ATL1: variants seen among roughly 807,000 people sequenced by gnomAD.
ATL1 encodes the protein atlastin GTPase 1.
In ATL1, 31 loss-of-function variants were observed where a neutral mutation model predicts 75.5. The ratio of observed to expected loss-of-function variants is 0.41; its 90% CI spans 0.31 to 0.55. The LOEUF is 0.55. Among genes scored for constraint, ATL1 ranks in the 20% least tolerant of loss-of-function variants. The pLI is 0.27. For synonymous variants in ATL1, 226 were observed against 233.3 expected (o/e 0.97, Z 0.28); for missense variants, 405 against 662.6 (o/e 0.61, Z 4.27).
intron 4 of ATL1, among the ~76,000 whole-genome samples, chr14:50,593,431 A>C (rs1447821847): frequency 6.6e-6 from 1 of 152,198 alleles, no homozygotes; most frequent in Non-Finnish European, 1.5e-5. Flanking sequence ...CCATGTGATG[A>C]AACTCTGTAT....
intron 7 of ATL1, among the ~76,000 whole-genome samples, chr14:50,613,973 CA>C (rs2039391258): frequency 6.6e-6 from 1 of 152,066 alleles, no homozygotes; most frequent in Admixed American, 6.6e-5. Context: ...GTACACTTAC[CA>C]GGTGATAGGA....
intron 1 of ATL1, among the ~76,000 whole-genome samples, chr14:50,548,124 C>T (rs959546484): frequency 6.6e-6 from 1 of 152,160 alleles, no homozygotes; most frequent in African/African-American, 2.4e-5. Flanking sequence ...GCCCAAATTC[C>T]TGGGAGTTAC....
At chr14:50,580,717 A>C (rs1457495833) in intron 1 of ATL1, among the ~76,000 whole-genome samples, 2 of 152,154 alleles carry the variant, frequency 1.3e-5, no homozygotes, top group Non-Finnish European at 2.9e-5. Flanking sequence ...TTAGTCTGAC[A>C]TTATAAAATA....
At chr14:50,565,304 A>C (rs1340645260) in intron 1 of ATL1, among the ~76,000 whole-genome samples, 1 of 151,718 alleles carries the variant, frequency 6.6e-6, no homozygotes, top group African/African-American at 2.4e-5. Context: ...TAAATAAATA[A>C]ATAAAAAACA....
intron 1 of ATL1, among the ~76,000 whole-genome samples, chr14:50,533,852 C>T (rs2038456405): frequency 6.6e-6 from 1 of 152,184 alleles, no homozygotes; most frequent in Non-Finnish European, 1.5e-5. Flanking sequence ...TAAATTCGCA[C>T]CTTAACAGGA....
chr14:50,589,229 G>A (rs954672324), intron 2 of ATL1, among the ~76,000 whole-genome samples: 1 of 138,652 alleles, frequency 7.2e-6, no homozygotes, highest in African/African-American at 2.7e-5. Flanking sequence ...GCGCAATCTT[G>A]GTTCACTGCA....
At chr14:50,558,710 G>T (rs149480717), upstream of ATL1, among the ~76,000 whole-genome samples, 696 of 152,266 alleles carry the variant, frequency 4.6e-3, 8 homozygotes, top group African/African-American at 0.016. Flanking sequence ...GGGATTTTCA[G>T]GCTGGAATGT....
chr14:50,585,159 A>T (rs1264794204), intron 1 of ATL1, among the ~76,000 whole-genome samples: 2 of 152,244 alleles, frequency 1.3e-5, no homozygotes, highest in African/African-American at 4.8e-5. Context: ...ATATGGATCA[A>T]TAGGATGTTA....
intron 6 of ATL1, among the ~76,000 whole-genome samples, chr14:50,599,651 A>G (rs1232134323): frequency 6.6e-6 from 1 of 152,222 alleles, no homozygotes; most frequent in East Asian, 1.9e-4. Flanking sequence ...CAATGAACCA[A>G]AAGTGCATAG....
At chr14:50,613,531 T>C (rs1414373431) in intron 7 of ATL1, among the ~76,000 whole-genome samples, 180 bp downstream of exon 7, 3 of 152,198 alleles carry the variant, frequency 2.0e-5, no homozygotes, top group Non-Finnish European at 4.4e-5. Flanking sequence ...CTCCTAAAGA[T>C]AAAACTTTTA....
At chr14:50,537,334 T>C (rs541744185) in intron 1 of ATL1, among the ~76,000 whole-genome samples, 1 of 152,318 alleles carries the variant, frequency 6.6e-6, no homozygotes, top group East Asian at 1.9e-4. Flanking sequence ...AGATTTCAGA[T>C]GATGTATGGA....
chr14:50,549,037 A>G (rs1439343156), intron 1 of ATL1, among the ~76,000 whole-genome samples: 1 of 152,140 alleles, frequency 6.6e-6, no homozygotes, highest in East Asian at 1.9e-4. Flanking sequence ...TGTCTACAAC[A>G]AAGGGGTGCC....
At chr14:50,550,858 T>C (rs1393862184) in intron 1 of ATL1, among the ~76,000 whole-genome samples, 3 of 152,152 alleles carry the variant, frequency 2.0e-5, no homozygotes, top group African/African-American at 7.2e-5. Context: ...TGAATGATAG[T>C]GACACAACTT....
At chr14:50,619,861 G>GGATACA (rs901153455) in intron 8 of ATL1, among the ~76,000 whole-genome samples, 1 of 152,068 alleles carries the variant, frequency 6.6e-6, no homozygotes, top group Non-Finnish European at 1.5e-5. Context: ...AGCAATTTTT[G>GGATACA]GATACATTTT....
intron 1 of ATL1, among the ~76,000 whole-genome samples, chr14:50,580,421 A>C (rs535111857): frequency 4.6e-4 from 70 of 152,144 alleles, no homozygotes; most frequent in African/African-American, 1.7e-3. Flanking sequence ...TTCTTTCTTT[A>C]ATCAGGAATG....
chr14:50,534,409 A>G (rs2038466160), intron 1 of ATL1, among the ~76,000 whole-genome samples: 1 of 152,260 alleles, frequency 6.6e-6, no homozygotes, highest in Non-Finnish European at 1.5e-5. Context: ...TCCTAATGCA[A>G]AGACTTCCAA....
chr14:50,589,179 T>A (rs1179496428), intron 2 of ATL1, among the ~76,000 whole-genome samples: 1 of 138,238 alleles, frequency 7.2e-6, no homozygotes, highest in Non-Finnish European at 1.6e-5. Flanking sequence ...TTTTTTTTGA[T>A]ACAGAGTTTC....
chr14:50,569,304 G>C (rs2038933730), intron 1 of ATL1, among the ~76,000 whole-genome samples: 1 of 151,890 alleles, frequency 6.6e-6, no homozygotes, highest in African/African-American at 2.4e-5. Context: ...AGGCTGCATT[G>C]AGCCATGATC....
At chr14:50,544,798 A>G (rs566691205) in intron 1 of ATL1, among the ~76,000 whole-genome samples, 106 of 152,084 alleles carry the variant, frequency 7.0e-4, no homozygotes, top group Admixed American at 1.6e-3. Flanking sequence ...TTAGCCAGGC[A>G]TGGTGGCATG....
Sources: allele counts gnomAD v4.1 joint callset (sites outside exome capture counted in the v4.1 genomes callset), GRCh38; gene constraint gnomAD v4.1.1; transcripts MANE v1.5; gene names NCBI Gene and HGNC (gene_info 2026-07-23, HGNC 2026-07-21).